The following GTF2I variants were observed in gnomAD, a reference collection of about 807,000 sequenced individuals.
GTF2I encodes the protein general transcription factor IIi, also known as general transcription factor II-I.
Under a neutral mutation model 67.6 loss-of-function variants are expected in GTF2I, and 12 were observed. That is an observed-to-expected ratio of 0.18 (90% CI 0.11 to 0.29). The LOEUF (loss-of-function observed/expected upper bound fraction) is 0.29, where lower values mean the gene tolerates loss of function less well. Ranked by LOEUF, GTF2I falls within the 10% of genes least tolerant of loss-of-function variation. GTF2I has a pLI of 1.00. For missense variants in GTF2I, 271 were observed against 580.1 expected (o/e 0.47, Z 5.47); for synonymous variants, 149 against 197.0 (o/e 0.76, Z 2.04).
intron 3 of GTF2I, among the ~76,000 whole-genome samples, chr7:74,692,306 C>A (rs1351929560): frequency 4.7e-5 from 7 of 150,536 alleles, no homozygotes; most frequent in Non-Finnish European, 1.5e-5. Context: ...AGCTCCTGAC[C>A]CGAGGAGCCC....
intron 11 of GTF2I, among the ~76,000 whole-genome samples, chr7:74,718,302 C>G (rs989041698): frequency 5.3e-5 from 8 of 152,202 alleles, no homozygotes; most frequent in African/African-American, 1.7e-4. Context: ...CTATAAGCTT[C>G]TAGCACTAAC....
In GTF2I at chr7:74,715,494, A is replaced by G. The variant is rs587718656; in HGVS notation, c.823+578A>G. On this transcript the variant is annotated intron_variant, in intron 10 of 34. Transcript: ENST00000573035. ...CAGATTTTAAAAGACATACAGAATT[A>G]TTGCTTACACGAACAATCATCTTAA... Among the ~76,000 whole-genome samples, 3 of 152,222 alleles carry G rather than the reference A, an allele frequency of 2.0e-5. No individual in the cohort carries two copies. The South Asian group carries it at 6.2e-4, about 32-fold the overall frequency.
chr7:74,680,079 C>CAAAAAAAAAAAAAAAAA (rs1225904374), intron 1 of GTF2I, among the ~76,000 whole-genome samples: 1 of 30,520 alleles, frequency 3.3e-5, no homozygotes, highest in Non-Finnish European at 5.2e-5. Flanking sequence ...GAGTCCATCT[C>CAAAAAAAAAAAAAAAAA]AAAAAAAAAA....
chr7:74,689,137 A>G lies in GTF2I; in HGVS notation c.9A>G (p.Gln3=). The G allele has an allele frequency of 6.2e-7, 1 of 1,607,326 alleles. No homozygotes were observed. The highest frequency in any genetic ancestry group is 8.5e-7 in the Non-Finnish European group (1 of 1,174,034). Reference sequence around the variant, plus strand: ...TCTCCTGCACAGGGATCATGGCCCAAGTTGCAATGTCCACCCTCCCCGTTG... The same window carrying G: ...TCTCCTGCACAGGGATCATGGCCCAGGTTGCAATGTCCACCCTCCCCGTTG... MA[Q]VAMSTLPVED... Residue 3 remains glutamine, a synonymous_variant, in exon 2 of 35, where the codon CAA becomes CAG. Coordinates refer to ENST00000573035, the MANE Select transcript of GTF2I (RefSeq NM_032999.4).
chr7:74,692,714 G>C (rs587682596), intron 3 of GTF2I, among the ~76,000 whole-genome samples: 2 of 152,232 alleles, frequency 1.3e-5, no homozygotes, highest in East Asian at 3.9e-4. Flanking sequence ...AAAAGCTAGG[G>C]TATCTATAGG....
intron 1 of GTF2I, among the ~76,000 whole-genome samples, chr7:74,686,030 G>A (rs1449209092): frequency 6.6e-6 from 1 of 152,130 alleles, no homozygotes; most frequent in African/African-American, 2.4e-5. Context: ...TAAAGAAAAA[G>A]GAAAGGAAAA....
intron 12 of GTF2I, chr7:74,726,896 G>C (rs1207864584): frequency 7.6e-6 from 1 of 131,306 alleles, no homozygotes; most frequent in Non-Finnish European, 1.6e-5. Flanking sequence ...ATGAGACCCT[G>C]CCAATAGATA....
At chr7:74,680,099 A>AAAAAAATAT in intron 1 of GTF2I, among the ~76,000 whole-genome samples, 1 of 95,000 alleles carries the variant, frequency 1.1e-5, no homozygotes, top group African/African-American at 4.0e-5. Context: ...AAAAAAAAAA[A>AAAAAAATAT]ATATATATAT....
chr7:74,672,082 A>G, intron 1 of GTF2I, among the ~76,000 whole-genome samples: 1 of 152,134 alleles, frequency 6.6e-6, no homozygotes, highest in South Asian at 2.1e-4. Context: ...CCATTCATAT[A>G]TATGTATGAG....
At chr7:74,658,274 GA>G (rs1554384614) in intron 1 of GTF2I, among the ~76,000 whole-genome samples, 1 of 149,660 alleles carries the variant, frequency 6.7e-6, no homozygotes, top group Non-Finnish European at 1.5e-5. Context: ...GCCGGGTCTC[GA>G]GCCCCGCCGG....
intron 1 of GTF2I, among the ~76,000 whole-genome samples, chr7:74,679,759 T>C (rs1463658721): frequency 1.3e-5 from 2 of 152,014 alleles, no homozygotes; most frequent in Admixed American, 6.6e-5. Context: ...ATTTGGAATT[T>C]AGAGAGGGAT....
chr7:74,750,711 G>A (rs1264799565), intron 26 of GTF2I, among the ~76,000 whole-genome samples: 1 of 58,492 alleles, frequency 1.7e-5, no homozygotes, highest in Admixed American at 3.0e-4. Flanking sequence ...GGGTTCAAGC[G>A]ATTCTCCTGC....
Position 74,698,969 on chromosome 7 carries a change from G to A in GTF2I, c.247G>A (p.Glu83Lys). Residue 83 changes from glutamate (E) to lysine (K), a missense_variant, in exon 4 of 35, where the codon GAA (glutamate) becomes AAA (lysine). Physicochemically the swap from Glu to Lys is moderately conservative, Grantham distance 56. Coordinates refer to ENST00000573035, the MANE Select transcript of GTF2I (RefSeq NM_032999.4). Reference sequence around the variant, plus strand: ...TTTTATTTTTTTTACAGGTGTTGAAGAAGAAGAAAAAGCTGCAGAGATGCA... The same window carrying A: ...TTTTATTTTTTTTACAGGTGTTGAAAAAGAAGAAAAAGCTGCAGAGATGCA... ...QKDFVKYCVE[E>K]EEKAAEMHKM... 7.3e-7 allele frequency: 1 copy of A among 1,377,146 alleles called. No homozygotes were observed. Among genetic ancestry groups the A allele is most frequent in the Non-Finnish European group, 9.6e-7 (1 of 1,039,964 alleles). 85.3% of individuals were successfully genotyped at this position (1,377,146 alleles called of 1,614,324 possible). A position where few individuals can be genotyped will look rare whatever the true frequency, so the allele number is the denominator to read the frequency against.
chr7:74,689,310 T>C, intron 2 of GTF2I, 83 bp downstream of exon 2: 1 of 639,988 alleles, frequency 1.6e-6, no homozygotes, highest in East Asian at 2.8e-5. Context: ...GAAGATAGAA[T>C]TTTATGGTTT....
chr7:74,662,511 CTTTTTTTT>C (rs1161320476), intron 1 of GTF2I, among the ~76,000 whole-genome samples: 79 of 50,216 alleles, frequency 1.6e-3, no homozygotes, highest in African/African-American at 1.4e-3. Context: ...CACCTGGACC[CTTTTTTTT>C]TTTTTTTTTT....
intron 1 of GTF2I, among the ~76,000 whole-genome samples, chr7:74,683,306 A>G (rs926852258): frequency 1.3e-5 from 2 of 152,254 alleles, no homozygotes; most frequent in Non-Finnish European, 1.5e-5. Context: ...TTACTTCTCA[A>G]TAGCGACAGT....
At chr7:74,700,502 T>C in intron 5 of GTF2I, 72 bp downstream of exon 5, 1 of 1,597,974 alleles carries the variant, frequency 6.3e-7, no homozygotes, top group Non-Finnish European at 8.6e-7. Flanking sequence ...CTTACGTTAA[T>C]GTATTTTTAA....
chr7:74,700,553 A>T, intron 5 of GTF2I, 53 bp from the exon 6 acceptor site: 2 of 1,605,134 alleles, frequency 1.2e-6, no homozygotes, highest in Non-Finnish European at 1.7e-6. Flanking sequence ...TGTATGCTTT[A>T]CAATAATTTT....
intron 12 of GTF2I, among the ~76,000 whole-genome samples, chr7:74,726,228 A>C (rs1054260646): frequency 2.0e-5 from 3 of 152,240 alleles, no homozygotes; most frequent in Admixed American, 2.0e-4. Flanking sequence ...TTTGTAAAAA[A>C]ATATATAGTA....
Sources: gnomAD v4.1 joint callset for allele counts (sites outside exome capture counted in the v4.1 genomes callset) on GRCh38, gnomAD v4.1.1 for gene constraint, MANE v1.5 for transcripts, NCBI Gene and HGNC (gene_info 2026-07-23, HGNC 2026-07-21) for gene names.